ITPR1: variants seen among roughly 807,000 people sequenced by gnomAD.
ITPR1 encodes the protein inositol 1,4,5-trisphosphate receptor type 1, also known as inositol 1,4,5-trisphosphate-gated calcium channel ITPR1.
ITPR1 carries 96 observed loss-of-function variants against 318.4 expected under a neutral mutation model. The ratio of observed to expected loss-of-function variants is 0.30; its 90% CI spans 0.26 to 0.36. The LOEUF (loss-of-function observed/expected upper bound fraction) is 0.36, where lower values mean the gene tolerates loss of function less well. Ranked by LOEUF, ITPR1 falls within the 10% of genes least tolerant of loss-of-function variation. ITPR1 has a pLI of 1.00. For missense variants in ITPR1, 2,440 were observed against 3,460.2 expected (o/e 0.71, Z 7.40); for synonymous variants, 1,312 against 1,289.9 (o/e 1.02, Z -0.37).
intron 16 of ITPR1, among the ~76,000 whole-genome samples, 176 bp downstream of exon 16, chr3:4,663,382 CAG>C (rs573758312): frequency 6.6e-6 from 1 of 152,046 alleles, no homozygotes; most frequent in African/African-American, 2.4e-5. Context: ...GCCTGGGTGA[CAG>C]AGAGAGAGCC....
At position 4,644,261 on chromosome 3, in the gene ITPR1, G is replaced by T. The variant is rs555929949; in HGVS notation, c.624+27G>T. The T allele has an allele frequency of 1.3e-5, 19 of 1,506,872 alleles. No individual in the cohort carries two copies. In the Admixed American group the frequency reaches 2.4e-4, roughly 19 times the overall value. 93.3% of individuals were successfully genotyped at this position (1,506,872 alleles called of 1,614,324 possible). ...TAAGGACATTGAGTTATGTGTGTGGGTGTGGTTATCCTGCAGGAGCGGGTC... is the reference window on the plus strand; with the variant it reads ...TAAGGACATTGAGTTATGTGTGTGGTTGTGGTTATCCTGCAGGAGCGGGTC... On this transcript the variant is annotated intron_variant, in intron 8 of 61. Transcript: ENST00000649015.
chr3:4,642,498 AG>A (rs780723502), intron 7 of ITPR1, among the ~76,000 whole-genome samples: 2 of 152,242 alleles, frequency 1.3e-5, no homozygotes, highest in Non-Finnish European at 2.9e-5. Flanking sequence ...CCATTGCGTT[AG>A]GAACTTTACC....
At chr3:4,495,805 G>A (rs1353365090) in intron 2 of ITPR1, among the ~76,000 whole-genome samples, 1 of 152,168 alleles carries the variant, frequency 6.6e-6, no homozygotes, top group Non-Finnish European at 1.5e-5. Flanking sequence ...CGGTGAGGCT[G>A]TACTGCATCC....
intron 32 of ITPR1, 45 bp downstream of exon 32, chr3:4,691,389 G>A (rs768618465): frequency 2.4e-5 from 33 of 1,361,706 alleles, no homozygotes; most frequent in Middle Eastern, 4.2e-4. Flanking sequence ...GTGTTCTGTA[G>A]AAATTTTAAA....
intron 10 of ITPR1, among the ~76,000 whole-genome samples, chr3:4,648,476 C>G (rs1203995293): frequency 6.6e-6 from 1 of 152,176 alleles, no homozygotes; most frequent in Non-Finnish European, 1.5e-5. Context: ...ATTAAATACG[C>G]TGGGTAAAAC....
chr3:4,680,815 A>T (rs985311072), intron 25 of ITPR1, 124 bp downstream of exon 25: 2 of 802,996 alleles, frequency 2.5e-6, no homozygotes, highest in African/African-American at 3.5e-5. Context: ...GCACCAGGGC[A>T]TCATCCTGGC....
intron 3 of ITPR1, among the ~76,000 whole-genome samples, chr3:4,519,047 G>A (rs2082364645): frequency 6.6e-6 from 1 of 152,114 alleles, no homozygotes; most frequent in Admixed American, 6.5e-5. Context: ...CCCTCGTTAA[G>A]AATCCCTGAG....
At chr3:4,825,619 T>G (rs1365386064) in intron 60 of ITPR1, 1 of 421,238 alleles carries the variant, frequency 2.4e-6, no homozygotes, top group African/African-American at 2.1e-5. Flanking sequence ...TTATCTGTAT[T>G]TGATAAGATG....
intron 18 of ITPR1, among the ~76,000 whole-genome samples, chr3:4,668,376 T>C (rs2093996678): frequency 6.6e-6 from 1 of 152,180 alleles, no homozygotes; most frequent in African/African-American, 2.4e-5. Flanking sequence ...GATGTTTGTC[T>C]TTCTGTGCTT....
intron 60 of ITPR1, among the ~76,000 whole-genome samples, chr3:4,819,919 C>T (rs180994729): frequency 6.9e-4 from 105 of 152,240 alleles, no homozygotes; most frequent in African/African-American, 2.5e-3. Context: ...AAGTGACTTC[C>T]TAGGAACAGT....
At chr3:4,690,300 C>A (rs1275174339) in intron 31 of ITPR1, among the ~76,000 whole-genome samples, 1 of 151,928 alleles carries the variant, frequency 6.6e-6, no homozygotes, top group South Asian at 2.1e-4. Context: ...TAAATAAGAA[C>A]GTAAAGGCAA....
In ITPR1 at chr3:4,735,157, T is replaced by A. The variant is rs1319045016; in HGVS notation, c.5354-7T>A. ...TGCTTAGTAAAAACAATATTCCATC[T>A]TCTTAGGGGGAGGTTCCGGATCCAG... On this transcript the variant is annotated splice_polypyrimidine_tract_variant and splice_region_variant and intron_variant, in intron 43 of 61. Transcript: ENST00000649015. 4 of 1,609,182 alleles carry A rather than the reference T, an allele frequency of 2.5e-6. No homozygotes were observed. The Admixed American group carries it at 6.7e-5, about 27-fold the overall frequency.
chr3:4,698,864 T>A (rs939458050), intron 34 of ITPR1, among the ~76,000 whole-genome samples: 2 of 152,170 alleles, frequency 1.3e-5, no homozygotes, highest in Non-Finnish European at 2.9e-5. Context: ...CTTGATTTTT[T>A]AAAAAATGTG....
At chr3:4,503,911 C>T (rs1199611050) in intron 2 of ITPR1, among the ~76,000 whole-genome samples, 1 of 152,086 alleles carries the variant, frequency 6.6e-6, no homozygotes, top group Non-Finnish European at 1.5e-5. Flanking sequence ...ACAAAATAAG[C>T]ACCCTCCCCC....
rs568534407 is a variant in ITPR1, at chr3:4,712,585, G to C, written c.5103+717G>C. On this transcript the variant is annotated intron_variant, in intron 39 of 61. Transcript: ENST00000649015. ...CTAGCTACATTTAGCAACAATTTCT[G>C]AGTAGGTGAATATGCTGATATCACT... 5.9e-4 allele frequency among the ~76,000 whole-genome samples: 90 copies of C among 152,328 alleles called. 1 individual carries two copies. Among genetic ancestry groups the C allele is most frequent in the African/African-American group, 2.0e-3 (85 of 41,574 alleles).
chr3:4,702,085 C>A (rs1453795540), intron 35 of ITPR1, among the ~76,000 whole-genome samples: 1 of 152,070 alleles, frequency 6.6e-6, no homozygotes, highest in Non-Finnish European at 1.5e-5. Context: ...TCCAAAGCTA[C>A]CCTTTGAATG....
At chr3:4,587,269 T>G (rs998408216) in intron 4 of ITPR1, among the ~76,000 whole-genome samples, 3 of 138,242 alleles carry the variant, frequency 2.2e-5, no homozygotes, top group Non-Finnish European at 3.0e-5. Context: ...ACACTTCTCA[T>G]GGTTTTTTTT....
Position 4,700,736 on chromosome 3 carries a change from G to T in ITPR1, c.4536+795G>T, listed in dbSNP as rs901235482. On this transcript the variant is annotated intron_variant, in intron 35 of 61. Coordinates refer to ENST00000649015, the MANE Select transcript of ITPR1 (RefSeq NM_001378452.1). ...TGTATTAGTGCATTTTCACGCTGCT[G>T]ATAAAGACATACCCGATACTGGGCA... Among the ~76,000 whole-genome samples, 74 of 152,168 alleles carry T rather than the reference G, an allele frequency of 4.9e-4. 2 individuals are homozygous for T. The highest frequency in any genetic ancestry group is 3.4e-3 in the Admixed American group (52 of 15,280).
At chr3:4,655,225 G>C (rs1379175704) in intron 12 of ITPR1, among the ~76,000 whole-genome samples, 1 of 152,130 alleles carries the variant, frequency 6.6e-6, no homozygotes, top group African/African-American at 2.4e-5. Context: ...CCAACATCTG[G>C]TGGTCTCCAT....
Sources: gnomAD v4.1 joint callset for allele counts (sites outside exome capture counted in the v4.1 genomes callset) on GRCh38, gnomAD v4.1.1 for gene constraint, MANE v1.5 for transcripts, NCBI Gene and HGNC (gene_info 2026-07-23, HGNC 2026-07-21) for gene names.